PTPRA: variants seen among roughly 807,000 people sequenced by gnomAD.
The protein encoded by PTPRA is protein tyrosine phosphatase receptor type A.
In PTPRA, 25 loss-of-function variants were observed where a neutral mutation model predicts 104.8. The observed-to-expected ratio is 0.24, with a 90% confidence interval of 0.17 to 0.33. The LOEUF (loss-of-function observed/expected upper bound fraction) is 0.33. PTPRA is among the 10% of genes least tolerant of loss of function. The probability of loss-of-function intolerance (pLI) is 1.00; values close to 1 mark genes in which losing one functional copy is unlikely to be tolerated. For synonymous variants in PTPRA, 323 were observed against 368.9 expected, an observed-to-expected ratio of 0.88 and a Z score of 1.43; for missense variants, 765 against 1,015.3, an observed-to-expected ratio of 0.75 and a Z score of 3.35.
At chr20:2,882,866 A>G (rs907006456) in intron 1 of PTPRA, among the ~76,000 whole-genome samples, 10 of 151,526 alleles carry the variant, frequency 6.6e-5, no homozygotes, top group Admixed American at 6.6e-4. Context: ...AGAGTTGTTG[A>G]TGAGTTTTGC....
chr20:3,032,490 G>A (rs500809), intron 20 of PTPRA, among the ~76,000 whole-genome samples: 90,808 of 151,914 alleles, frequency 0.6, 27,707 homozygotes, highest in Admixed American at 0.67. Context: ...GCTTTCGGCC[G>A]GGCGCGGTGG....
intron 2 of PTPRA, among the ~76,000 whole-genome samples, chr20:2,929,239 A>G (rs2060420687): frequency 6.6e-6 from 1 of 152,180 alleles, no homozygotes; most frequent in South Asian, 2.1e-4. Flanking sequence ...GGTGTGAGCC[A>G]CCACACCTGG....
chr20:2,909,851 AAT>A (rs1471537370), intron 1 of PTPRA, among the ~76,000 whole-genome samples: 7 of 127,652 alleles, frequency 5.5e-5, no homozygotes, highest in Admixed American at 2.7e-4. Flanking sequence ...AATATAAGAT[AAT>A]ATATATTATA....
chr20:2,971,267 G>T (rs916246832), intron 5 of PTPRA, among the ~76,000 whole-genome samples: 3 of 152,094 alleles, frequency 2.0e-5, no homozygotes, highest in Non-Finnish European at 2.9e-5. Flanking sequence ...TACAGATGTT[G>T]AGTCTAACTA....
intron 3 of PTPRA, chr20:2,955,628 C>T (rs1403270622): frequency 1.0e-6 from 1 of 985,236 alleles, no homozygotes; most frequent in Non-Finnish European, 1.2e-6. Flanking sequence ...AGAAGCTTGC[C>T]AGTTTTTCAA....
At position 2,988,095 on chromosome 20, in the gene PTPRA, T is replaced by G; in HGVS notation, c.591T>G (p.Thr197=). 6.3e-7 allele frequency: 1 copy of G among 1,584,186 alleles called. No homozygotes were observed. Among genetic ancestry groups the G allele is most frequent in the Non-Finnish European group, 8.7e-7 (1 of 1,152,726 alleles). The change falls in exon 8 of 24, where the codon ACT becomes ACG. Residue 197 remains threonine (T), a synonymous_variant. Transcript: ENST00000399903. The part of the protein sequence containing the change: ...SNSFRLSNGR[T]EDVEPQSVPL... ...CTTTCCGCTTATCCAACGGCCGCAC[T>G]GAGGATGTGGGTAAGGCATTCCTTA...
intron 9 of PTPRA, among the ~76,000 whole-genome samples, chr20:2,994,422 C>T (rs1201802375): frequency 2.0e-5 from 3 of 152,188 alleles, no homozygotes; most frequent in Non-Finnish European, 4.4e-5. Flanking sequence ...CAGCCATAAA[C>T]GTCTGATCAT....
At position 2,988,381 on chromosome 20, in the gene PTPRA, C is replaced by T; in HGVS notation, c.645C>T (p.Asn215=). 6.2e-7 allele frequency: 1 copy of T among 1,611,238 alleles called. No homozygotes were observed. The highest frequency in any genetic ancestry group is 1.1e-5 in the South Asian group (1 of 90,824). The change falls in exon 9 of 24, where the codon AAC becomes AAT. Residue 215 remains asparagine, a synonymous_variant. Transcript: ENST00000399903. ...VPLLARSPST[N]RKYPPLPVDK... is the part of the protein sequence containing the mutation. ...TTCTGGCCAGATCCCCAAGCACCAA[C>T]AGGAAATACCCACCCCTGCCCGTGG...
At chr20:2,966,157 C>T (rs1184170819) in intron 5 of PTPRA, among the ~76,000 whole-genome samples, 2 of 152,170 alleles carry the variant, frequency 1.3e-5, no homozygotes, top group Admixed American at 1.3e-4. Context: ...AACTCAGACC[C>T]TTCACCTGCC....
intron 2 of PTPRA, among the ~76,000 whole-genome samples, chr20:2,939,928 G>A (rs2060844361): frequency 6.6e-6 from 1 of 152,200 alleles, no homozygotes; most frequent in Non-Finnish European, 1.5e-5. Flanking sequence ...CCAACATGGT[G>A]AAACCCCGTC....
chr20:2,874,435 C>T (rs780333995), intron 1 of PTPRA, among the ~76,000 whole-genome samples: 48 of 151,466 alleles, frequency 3.2e-4, no homozygotes, highest in Non-Finnish European at 3.1e-4. Context: ...TTGAGGGTTT[C>T]GTTTTTATTT....
intron 18 of PTPRA, 116 bp downstream of exon 18, chr20:3,026,896 G>T: frequency 1.0e-6 from 1 of 995,734 alleles, no homozygotes. Flanking sequence ...TCATGGCATT[G>T]CCTCTTGTTG....
intron 1 of PTPRA, among the ~76,000 whole-genome samples, chr20:2,912,638 A>G (rs1428085880): frequency 1.3e-5 from 2 of 152,212 alleles, no homozygotes; most frequent in African/African-American, 4.8e-5. Context: ...ACAGACAACG[A>G]CAAAAAACCC....
intron 1 of PTPRA, among the ~76,000 whole-genome samples, chr20:2,891,831 C>A (rs1244007832): frequency 6.6e-6 from 1 of 152,104 alleles, no homozygotes; most frequent in East Asian, 1.9e-4. Context: ...TGCACATCCT[C>A]CTGTGTACTT....
chr20:2,941,793 C>G (rs2060934063), intron 2 of PTPRA, among the ~76,000 whole-genome samples: 1 of 152,148 alleles, frequency 6.6e-6, no homozygotes, highest in Admixed American at 6.5e-5. Flanking sequence ...GAGTTCCCTG[C>G]CCTCCTTAAT....
intron 3 of PTPRA, among the ~76,000 whole-genome samples, chr20:2,952,826 T>G (rs1017315278): frequency 6.6e-6 from 1 of 152,212 alleles, no homozygotes; most frequent in Non-Finnish European, 1.5e-5. Flanking sequence ...ATATTTTCAT[T>G]TTGTGACTGG....
At chr20:2,866,467 C>T in the PTPRA span, 92 of 1,614,148 alleles carry the variant, frequency 5.7e-5, no homozygotes, top group East Asian at 1.0e-3. Context: ...CATCGAACAC[C>T]GGAATGAGGC....
At chr20:2,865,709 G>A in the PTPRA span, among the ~76,000 whole-genome samples, 3 of 152,312 alleles carry the variant, frequency 2.0e-5, no homozygotes, top group East Asian at 1.9e-4. This position sits in a 1 kb window ranked among gnomAD's most constrained non-coding sequence, Gnocchi z 5.2. Flanking sequence ...CAGATGTTAC[G>A]GGGAGAGAGA....
chr20:2,990,545 C>T lies in PTPRA; in HGVS notation c.738+2071C>T, dbSNP rs2063125501. Among the ~76,000 whole-genome samples, 5 of 152,094 alleles carry T rather than the reference C, an allele frequency of 3.3e-5. 1 individual carries two copies. The South Asian group carries it at 1.0e-3, about 32-fold the overall frequency. Reference sequence around the variant, plus strand: ...ACCAGCCTGAGCAACATGGTGAAACCCCATCTCTACAACAACAACAACAAC... The same window carrying T: ...ACCAGCCTGAGCAACATGGTGAAACTCCATCTCTACAACAACAACAACAAC... On this transcript the variant is annotated intron_variant, in intron 9 of 23. Coordinates refer to ENST00000399903, the MANE Select transcript of PTPRA (RefSeq NM_001385305.1).
Sources: allele counts gnomAD v4.1 joint callset (sites outside exome capture counted in the v4.1 genomes callset), GRCh38; gene constraint gnomAD v4.1.1; non-coding constraint Gnocchi (gnomAD v3.1); transcripts MANE v1.5; gene names NCBI Gene and HGNC (gene_info 2026-07-23, HGNC 2026-07-21).